CDH23: variants seen among roughly 807,000 people sequenced by gnomAD.
The protein encoded by CDH23 is cadherin-23.
Under a neutral mutation model 317.1 loss-of-function variants are expected in CDH23, and 189 were observed. That is an observed-to-expected ratio of 0.60 (90% CI 0.53 to 0.67). The LOEUF is 0.67. Ranked by LOEUF, CDH23 falls within the 30% of genes least tolerant of loss-of-function variation. The pLI, the probability that CDH23 is intolerant of heterozygous loss-of-function variation, is 0.00. For synonymous variants in CDH23, 1,839 were observed against 1,876.8 expected (o/e 0.98, Z 0.52); for missense variants, 4,401 against 4,592.4 (o/e 0.96, Z 1.20).
chr10:71,405,824 A>G (rs745415058), intron 1 of CDH23, among the ~76,000 whole-genome samples: 15 of 152,048 alleles, frequency 9.9e-5, no homozygotes, highest in Non-Finnish European at 1.9e-4. Context: ...GTGCTTTAAG[A>G]TCTCACATCT....
At chr10:71,484,710 G>A (rs1054741786) in intron 3 of CDH23, among the ~76,000 whole-genome samples, 1 of 152,184 alleles carries the variant, frequency 6.6e-6, no homozygotes, top group East Asian at 1.9e-4. Context: ...GATCTCAAAA[G>A]GACTGTGTCT....
At chr10:71,646,924 T>A in intron 14 of CDH23, 1 of 1,409,920 alleles carries the variant, frequency 7.1e-7, no homozygotes, top group South Asian at 1.7e-5. Flanking sequence ...GGAAGCCCCC[T>A]CAAATGGGTG....
chr10:71,773,308 T>G lies in CDH23; in HGVS notation c.4846-4372T>G, dbSNP rs766686329. On this transcript the variant is annotated intron_variant, in intron 38 of 69. Coordinates refer to ENST00000224721, the MANE Select transcript of CDH23 (RefSeq NM_022124.6). ...CCATCCCACAGTTCCCACTCCAGTC[T>G]GCTGTCTTCTCCCAGCTTTTTCCCA... 1.9e-6 allele frequency: 3 copies of G among 1,549,808 alleles called. No individual in the cohort carries two copies. In the South Asian group the frequency reaches 3.5e-5, roughly 18 times the overall value.
intron 1 of CDH23, among the ~76,000 whole-genome samples, chr10:71,410,473 G>A (rs1286469141): frequency 6.6e-6 from 1 of 152,216 alleles, no homozygotes; most frequent in Admixed American, 6.5e-5. Flanking sequence ...AGGCAAAGCA[G>A]GACAGCTGTT....
At chr10:71,469,605 T>TC (rs1244455493) in intron 3 of CDH23, among the ~76,000 whole-genome samples, 10 of 123,288 alleles carry the variant, frequency 8.1e-5, no homozygotes, top group South Asian at 5.6e-4. Context: ...AACATTTGTG[T>TC]CCCCCCCTTG....
rs1847559455 is a variant in CDH23, at chr10:71,397,249, G to C, written c.-75G>C. The C allele has an allele frequency of 9.9e-6, 2 of 201,612 alleles. No individual in the cohort carries two copies. The highest frequency in any genetic ancestry group is 2.0e-5 in the Non-Finnish European group (2 of 99,938). The allele number at this position is 201,612 out of a possible 1,614,324, so 12.5% of individuals were successfully genotyped here. ...GCCAGGGCCAGAGCAGGCGGCCCGC[G>C]GGGGCCGATCCGGCGGAGAGCAGAG... On this transcript the variant is annotated 5_prime_UTR_variant, in exon 1 of 70. Coordinates refer to ENST00000224721, the MANE Select transcript of CDH23 (RefSeq NM_022124.6). This position sits in a 1 kb window ranked among gnomAD's most constrained non-coding sequence, Gnocchi z 4.8.
At chr10:71,681,130 T>G (rs899475105) in intron 17 of CDH23, among the ~76,000 whole-genome samples, 4 of 151,976 alleles carry the variant, frequency 2.6e-5, no homozygotes, top group African/African-American at 9.7e-5. Flanking sequence ...GCCTGGCCCA[T>G]CCCTCTTTCA....
At chr10:71,415,817 A>G (rs559178304) in intron 1 of CDH23, among the ~76,000 whole-genome samples, 1 of 152,104 alleles carries the variant, frequency 6.6e-6, no homozygotes, top group African/African-American at 2.4e-5. Context: ...TACTTTTTAC[A>G]GTTGTTTTTA....
At chr10:71,532,727 GTTTTTTTTTTT>G (rs200038577) in intron 6 of CDH23, among the ~76,000 whole-genome samples, 21,954 of 94,368 alleles carry the variant, frequency 0.23, 2,315 homozygotes, top group East Asian at 0.49. Flanking sequence ...TTTTTTTTTT[GTTTTTTTTTTT>G]TTTTTTTTTG....
intron 1 of CDH23, among the ~76,000 whole-genome samples, chr10:71,425,339 T>G (rs1248873119): frequency 4.5e-5 from 3 of 66,502 alleles, no homozygotes; most frequent in African/African-American, 1.5e-4. Context: ...GAACAAAGAA[T>G]AGTCACAGTG....
chr10:71,600,717 C>T (rs1049768882), intron 9 of CDH23, among the ~76,000 whole-genome samples: 11 of 151,864 alleles, frequency 7.2e-5, no homozygotes, highest in African/African-American at 2.7e-4. Flanking sequence ...AAGATTTCAC[C>T]GTGTTAGCCG....
At chr10:71,631,261 A>G (rs191795458) in intron 11 of CDH23, among the ~76,000 whole-genome samples, 3 of 152,292 alleles carry the variant, frequency 2.0e-5, no homozygotes, top group Admixed American at 2.0e-4. Flanking sequence ...ACAAATGAAT[A>G]AATAAAGCCA....
At chr10:71,776,763 G>A (rs1301487844) in intron 38 of CDH23, among the ~76,000 whole-genome samples, 1 of 152,214 alleles carries the variant, frequency 6.6e-6, no homozygotes, top group East Asian at 1.9e-4. Flanking sequence ...ACCGCAGTGA[G>A]GAATGGAGGG....
At position 71,755,786 on chromosome 10, in the gene CDH23, C is replaced by T. The variant is rs924567333; in HGVS notation, c.4845+13865C>T. On this transcript the variant is annotated intron_variant, in intron 38 of 69. Transcript: ENST00000224721. The stretch of plus-strand genomic sequence containing the variant: ...GGTACAGCTGGAACACCCTTGGCTA[C>T]AGGTTGTTCTCTGAAAAGGGAGAGC... 2.0e-5 allele frequency among the ~76,000 whole-genome samples: 3 copies of T among 152,288 alleles called. No homozygotes were observed. In the East Asian group the frequency reaches 5.8e-4, roughly 29 times the overall value.
At chr10:71,736,145 C>A (rs1441492132) in intron 34 of CDH23, among the ~76,000 whole-genome samples, 1 of 152,218 alleles carries the variant, frequency 6.6e-6, no homozygotes, top group Admixed American at 6.5e-5. Context: ...GGCTTCGGAG[C>A]ACACACTTCT....
intron 52 of CDH23, among the ~76,000 whole-genome samples, chr10:71,800,173 G>A (rs1841517605): frequency 1.3e-5 from 2 of 152,216 alleles, no homozygotes; most frequent in South Asian, 4.1e-4. Flanking sequence ...GTTATTTTCA[G>A]TATAGAGAGA....
rs190544392 is a variant in CDH23, at chr10:71,530,690, A to G, written c.429+19478A>G. Among the ~76,000 whole-genome samples the G allele has an allele frequency of 1.8e-3, 279 of 152,306 alleles. 2 individuals are homozygous for G. Among genetic ancestry groups the G allele is most frequent in the African/African-American group, 6.5e-3 (271 of 41,572 alleles). On this transcript the variant is annotated intron_variant, in intron 6 of 69. Coordinates refer to ENST00000224721, the MANE Select transcript of CDH23 (RefSeq NM_022124.6). ...AGGGTTGGCATTCACAGCCTTCGTG[A>G]CCATCAGAAGAGGGAGGAGTCAGAA...
Position 71,699,594 on chromosome 10 carries a change from T to C in CDH23, c.2398-2428T>C, listed in dbSNP as rs74147017. On this transcript the variant is annotated intron_variant, in intron 22 of 69. Coordinates refer to ENST00000224721, the MANE Select transcript of CDH23 (RefSeq NM_022124.6). Reference sequence around the variant, plus strand: ...GCAAGGGAGATTTTGGTCCCACTCTTCTTCCTGGCTCCTGCAGCTGCCTTC... The same window carrying C: ...GCAAGGGAGATTTTGGTCCCACTCTCCTTCCTGGCTCCTGCAGCTGCCTTC... Among the ~76,000 whole-genome samples, 1,469 of 152,352 alleles carry C rather than the reference T, an allele frequency of 9.6e-3. 18 individuals are homozygous for C. Among genetic ancestry groups the C allele is most frequent in the African/African-American group, 0.033 (1,382 of 41,580 alleles).
rs181249218 is a variant in CDH23 at position 71,715,684 on chromosome 10, G to A, written c.3369+2871G>A. 910 of 359,522 alleles carry A rather than the reference G, an allele frequency of 2.5e-3. 3 individuals carry two copies. Among genetic ancestry groups the A allele is most frequent in the Middle Eastern group, 6.4e-3 (9 of 1,400 alleles). 22.3% of individuals were successfully genotyped at this position (359,522 alleles called of 1,614,324 possible). On this transcript the variant is annotated intron_variant, in intron 28 of 69. Coordinates refer to ENST00000224721, the MANE Select transcript of CDH23 (RefSeq NM_022124.6). ...TCAGGCCAAAGGCCCAGATGACCAC[G>A]AGTGCACATCTCTTGACCAGAAGTC...
Sources: gnomAD v4.1 joint callset for allele counts (sites outside exome capture counted in the v4.1 genomes callset) on GRCh38, gnomAD v4.1.1 for gene constraint, Gnocchi (gnomAD v3.1) non-coding constraint, MANE v1.5 for transcripts, NCBI Gene and HGNC (gene_info 2026-07-23, HGNC 2026-07-21) for gene names.